The following RSRP1 variants were observed in gnomAD, a reference collection of about 807,000 sequenced individuals.
RSRP1 encodes the protein arginine/serine-rich protein 1.
RSRP1 carries 37 observed loss-of-function variants against 33.0 expected under a neutral mutation model. That is an observed-to-expected ratio of 1.12 (90% CI 0.86 to 1.48). The LOEUF is 1.48. Ranked by LOEUF, RSRP1 falls within the 40% of genes most tolerant of loss-of-function variation. RSRP1 has a pLI of 0.00. For missense variants in RSRP1, 402 were observed against 385.3 expected (o/e 1.04, Z -0.36); for synonymous variants, 167 against 158.7 (o/e 1.05, Z -0.40).
Position 25,245,229 on chromosome 1 carries a change from G to A in RSRP1, c.593C>T (p.Pro198Leu). 6.2e-7 allele frequency: 1 copy of A among 1,613,990 alleles called. No homozygotes were observed. The highest frequency in any genetic ancestry group is 8.5e-7 in the Non-Finnish European group (1 of 1,180,010). The change falls in exon 3 of 5, where the codon CCA becomes CTA. Residue 198 changes from proline to leucine, a missense_variant. Pro to Leu is a moderately conservative substitution (Grantham distance 98, BLOSUM62 -3). Transcript: ENST00000243189. ...TGAAGGAACAGTTCTGAGACTAGCT[G>A]GCAAGTCAATGTTGGTTGTTCCTAG... The part of the protein sequence containing the change: ...KALGTTNIDL[P>L]ASLRTVPSAK...
In RSRP1 at chr1:25,305,698, T is replaced by A. The variant is rs1416203328; in HGVS notation, c.-67+32280A>T. On this transcript the variant is annotated intron_variant, in intron 1 of 1. Transcript: ENST00000561867. ...TTACTGCAAGCTCCGCCTCCCGGGTTCACACCATTCTCCTGCCTCAGCCTC... is the reference window on the plus strand; with the variant it reads ...TTACTGCAAGCTCCGCCTCCCGGGTACACACCATTCTCCTGCCTCAGCCTC... 1.5e-5 allele frequency among the ~76,000 whole-genome samples: 2 copies of A among 130,090 alleles called. 1 individual carries two copies. Among genetic ancestry groups the A allele is most frequent in the Non-Finnish European group, 3.6e-5 (2 of 55,450 alleles). The allele number at this position is 130,090 out of a possible 152,430, so 85.3% of individuals were successfully genotyped here.
At chr1:25,250,818 G>A (rs1471385850), upstream of RSRP1, among the ~76,000 whole-genome samples, 5 of 152,092 alleles carry the variant, frequency 3.3e-5, no homozygotes, top group African/African-American at 1.2e-4. Flanking sequence ...AGACCAGCCT[G>A]GTCAACTTGG....
At chr1:25,280,799 C>A (rs1398644291) in intron 1 of RSRP1, among the ~76,000 whole-genome samples, 1 of 130,776 alleles carries the variant, frequency 7.6e-6, no homozygotes, top group South Asian at 2.3e-4. Context: ...TTTGTAGAGA[C>A]AAGGTCTTGC....
intron 1 of RSRP1, among the ~76,000 whole-genome samples, chr1:25,259,627 C>T (rs1381917290): frequency 2.0e-5 from 3 of 152,008 alleles, no homozygotes; most frequent in Admixed American, 6.6e-5. Context: ...CTCAGCCTCC[C>T]GAGTAGCTGG....
At chr1:25,300,511 CAAAAA>C (rs59194477) in intron 1 of RSRP1, among the ~76,000 whole-genome samples, 2 of 96,520 alleles carry the variant, frequency 2.1e-5, no homozygotes, top group African/African-American at 3.5e-5. Context: ...GACTCTGTCT[CAAAAA>C]AAAAAAAAAA....
At chr1:25,284,652 T>G in intron 1 of RSRP1, 1 of 1,388,930 alleles carries the variant, frequency 7.2e-7, no homozygotes, top group Non-Finnish European at 1.0e-6. Flanking sequence ...GCTGGAGCAG[T>G]GTGGCCTTCA....
At chr1:25,307,970 A>T (rs671726) in intron 1 of RSRP1, among the ~76,000 whole-genome samples, 6 of 127,746 alleles carry the variant, frequency 4.7e-5, no homozygotes, top group East Asian at 2.0e-4. Flanking sequence ...TTCCCCTCTG[A>T]AAGATGAGGA....
chr1:25,321,033 G>C (rs548280011), intron 1 of RSRP1, among the ~76,000 whole-genome samples: 2 of 131,286 alleles, frequency 1.5e-5, no homozygotes, highest in Admixed American at 1.5e-4. Context: ...AACAGAATGA[G>C]ACTCTGTCCC....
Position 25,246,540 on chromosome 1 carries a change from A to G in RSRP1, c.424T>C (p.Phe142Leu). 6.2e-7 allele frequency: 1 copy of G among 1,614,188 alleles called. No individual in the cohort carries two copies. The highest frequency in any genetic ancestry group is 8.5e-7 in the Non-Finnish European group (1 of 1,180,032). ...TCCTCCGGGTACACTGTGCGACCAA[A>G]GCCGTAGTAGCGCTGTCCCCGCGCG... ...AIARGQRYYGFGRTVYPEEHS... is the reference protein window; with the variant it reads ...AIARGQRYYGLGRTVYPEEHS... The change falls in exon 2 of 5, where the codon TTT becomes CTT. Residue 142 changes from phenylalanine (F) to leucine (L), a missense_variant. Transcript: ENST00000243189.
chr1:25,244,150 G>C, intron 3 of RSRP1: 1 of 1,287,062 alleles, frequency 7.8e-7, no homozygotes. Context: ...TGCACATCCT[G>C]CACATTTCTG....
At position 25,320,695 on chromosome 1, in the gene RSRP1, A is replaced by G. The variant is rs746910061; in HGVS notation, c.-67+17283T>C. 3.8e-5 allele frequency among the ~76,000 whole-genome samples: 5 copies of G among 131,980 alleles called. 2 individuals are homozygous for G. The highest frequency in any genetic ancestry group is 9.0e-5 in the Non-Finnish European group (5 of 55,726). The allele number at this position is 131,980 out of a possible 152,430, so 86.6% of individuals were successfully genotyped here. A position where few individuals can be genotyped will look rare whatever the true frequency, so the allele number is the denominator to read the frequency against. On this transcript the variant is annotated intron_variant, in intron 1 of 1. Transcript: ENST00000561867. ...CCATGTGTCCTGTGAAATTCATCCA[A>G]CTTCAGGAAGCTGGAGGAATACATA... is the stretch of plus-strand genomic sequence containing the variant.
Position 25,294,177 on chromosome 1 carries a change from A to G in RSRP1, c.-67+43801T>C. 3 of 794,680 alleles carry G rather than the reference A, an allele frequency of 3.8e-6. 1 individual carries two copies. Among genetic ancestry groups the G allele is most frequent in the Admixed American group, 1.9e-5 (1 of 53,982 alleles). 49.2% of individuals were successfully genotyped at this position (794,680 alleles called of 1,614,324 possible). ...AAGTCAAAAAGGTCAGAGCTTCCAC[A>G]GCATGGCAACAGCTTTGCAGATGCC... On this transcript the variant is annotated intron_variant, in intron 1 of 1. Transcript: ENST00000561867.
chr1:25,246,706 C>A lies in RSRP1; in HGVS notation c.258G>T (p.Ser86=), dbSNP rs11542241. Residue 86 remains serine, a synonymous_variant, in exon 2 of 5, where the codon TCG becomes TCT. Coordinates refer to ENST00000243189, the MANE Select transcript of RSRP1 (RefSeq NM_020317.5). ...RYSRSYSRSR[S]RSRSRRYRER... is the part of the protein sequence containing the mutation. Reference sequence around the variant, plus strand: ...CTCGGTAACGGCGGCTGCGGGATCGCGACCGGCTCCGCGAGTATGACCGCG... The same window carrying A: ...CTCGGTAACGGCGGCTGCGGGATCGAGACCGGCTCCGCGAGTATGACCGCG... 6.2e-7 allele frequency: 1 copy of A among 1,607,356 alleles called. No individual in the cohort carries two copies. Among genetic ancestry groups the A allele is most frequent in the Non-Finnish European group, 8.5e-7 (1 of 1,175,196 alleles).
intron 1 of RSRP1, among the ~76,000 whole-genome samples, chr1:25,282,186 C>T (rs538069294): frequency 1.5e-5 from 2 of 132,968 alleles, no homozygotes; most frequent in Admixed American, 7.3e-5. Context: ...AAGCAACTTA[C>T]AAGACCACAG....
intron 1 of RSRP1, among the ~76,000 whole-genome samples, chr1:25,261,424 A>G (rs1443043286): frequency 7.3e-6 from 1 of 137,768 alleles, no homozygotes; most frequent in South Asian, 2.2e-4. Flanking sequence ...TTTTTTTTTG[A>G]GACAGAGTCT....
At position 25,278,755 on chromosome 1, in the gene RSRP1, C is replaced by G. The variant is rs1328382273; in HGVS notation, c.-66-31726G>C. On this transcript the variant is annotated intron_variant, in intron 1 of 1. Coordinates refer to the RSRP1 transcript ENST00000561867. ...GCTACTAGAAGACAGAGGAGTTTTC[C>G]CAGTGACATGTAAACACTCCAAACC... Among the ~76,000 whole-genome samples, 2 of 131,398 alleles carry G rather than the reference C, an allele frequency of 1.5e-5. 1 individual carries two copies. Among genetic ancestry groups the G allele is most frequent in the Non-Finnish European group, 3.6e-5 (2 of 55,416 alleles). 86.2% of individuals were successfully genotyped at this position (131,398 alleles called of 152,430 possible). A position where few individuals can be genotyped will look rare whatever the true frequency, so the allele number is the denominator to read the frequency against.
chr1:25,282,455 G>A lies in RSRP1; in HGVS notation c.-66-35426C>T, dbSNP rs568581465. On this transcript the variant is annotated intron_variant, in intron 1 of 1. Coordinates refer to the RSRP1 transcript ENST00000561867. ...TCACCATGTTGGCCAGGCTAGTCTCGAACTGCTGACTTCATGATCTGCCCA... is the reference window on the plus strand; with the variant it reads ...TCACCATGTTGGCCAGGCTAGTCTCAAACTGCTGACTTCATGATCTGCCCA... 2.7e-4 allele frequency among the ~76,000 whole-genome samples: 35 copies of A among 130,880 alleles called. 9 individuals are homozygous for A. Among genetic ancestry groups the A allele is most frequent in the Non-Finnish European group, 6.1e-4 (34 of 55,448 alleles). 85.9% of individuals were successfully genotyped at this position (130,880 alleles called of 152,430 possible).
At position 25,284,606 on chromosome 1, in the gene RSRP1, G is replaced by C. The variant is rs1342457554; in HGVS notation, c.-66-37577C>G. 3.6e-6 allele frequency: 5 copies of C among 1,389,142 alleles called. 1 individual carries two copies. In the Admixed American group the frequency reaches 8.8e-5, roughly 24 times the overall value. The allele number at this position is 1,389,142 out of a possible 1,614,324, so 86.1% of individuals were successfully genotyped here. A position where few individuals can be genotyped will look rare whatever the true frequency, so the allele number is the denominator to read the frequency against. ...GATCTGACCGTGATGGCGGCCATTG[G>C]CTTGGGCTTCCTCACCTCGAGTTTC... On this transcript the variant is annotated intron_variant, in intron 1 of 1. Transcript: ENST00000561867.
upstream of RSRP1, chr1:25,338,183 G>A (rs925919139): frequency 5.3e-5 from 8 of 152,086 alleles, no homozygotes; most frequent in East Asian, 7.7e-4. Context: ...CACTCCCGAC[G>A]TCCAGCTGTG....
Sources: allele counts gnomAD v4.1 joint callset (sites outside exome capture counted in the v4.1 genomes callset), GRCh38; gene constraint gnomAD v4.1.1; transcripts MANE v1.5; gene names NCBI Gene and HGNC (gene_info 2026-07-23, HGNC 2026-07-21).